The following OGG1 variants were observed in gnomAD, a reference collection of about 807,000 sequenced individuals.
The protein encoded by OGG1 is N-glycosylase/DNA lyase.
A neutral mutation model predicts 42.3 loss-of-function variants in OGG1; 35 were observed. The observed-to-expected ratio is 0.83, with a 90% confidence interval of 0.63 to 1.10. The LOEUF (loss-of-function observed/expected upper bound fraction) is 1.10, where lower values mean the gene tolerates loss of function less well. Ranked by LOEUF, OGG1 falls within the 50% of genes least tolerant of loss-of-function variation. The pLI is 0.00. For missense variants in OGG1, 484 were observed against 446.7 expected (o/e 1.08, Z -0.75); for synonymous variants, 189 against 179.0 (o/e 1.06, Z -0.44).
chr3:9,785,315 C>T (rs748346430), intron 3 of OGG1: 1 of 1,612,350 alleles, frequency 6.2e-7, no homozygotes, highest in South Asian at 1.1e-5. Flanking sequence ...ACACCACTCA[C>T]CTGAAGGGCT....
At chr3:9,771,823 T>C (rs1228937182) in intron 2 of OGG1, among the ~76,000 whole-genome samples, 1 of 142,750 alleles carries the variant, frequency 7.0e-6, no homozygotes, top group Non-Finnish European at 1.5e-5. Flanking sequence ...TTTTTTTTTT[T>C]TTTTTTTTTT....
chr3:9,757,685 C>G (rs1352531954), downstream of OGG1: 1 of 1,613,960 alleles, frequency 6.2e-7, no homozygotes, highest in Non-Finnish European at 8.5e-7. The surrounding 1 kb of genome is among the most constrained non-coding windows in gnomAD (Gnocchi z 4.5). Context: ...CCCGGGTGCA[C>G]CTTTGTGGAC....
At chr3:9,779,230 A>C (rs1559713646) in intron 2 of OGG1, among the ~76,000 whole-genome samples, 1 of 152,162 alleles carries the variant, frequency 6.6e-6, no homozygotes, top group Non-Finnish European at 1.5e-5. Flanking sequence ...TCTGACTGGC[A>C]TAAAGCCATT....
chr3:9,756,748 C>CT lies in OGG1; in HGVS notation c.899-18dup, dbSNP rs765559971. 13 of 1,614,142 alleles carry CT rather than the reference C, an allele frequency of 8.1e-6. No individual in the cohort carries two copies. The Admixed American group carries it at 2.2e-4, about 27-fold the overall frequency. Reference sequence around the variant, plus strand: ...CACAGAAGGGGTCAGATAACTTAGTCTCATCACTTCTGATTTAGGAAACTT... The same window carrying CT: ...CACAGAAGGGGTCAGATAACTTAGTCTTCATCACTTCTGATTTAGGAAACTT... On this transcript the variant is annotated intron_variant, in intron 5 of 6. Transcript: ENST00000344629.
chr3:9,780,236 T>C, intron 2 of OGG1: 1 of 1,107,720 alleles, frequency 9.0e-7, no homozygotes, highest in Non-Finnish European at 1.3e-6. Context: ...GCCACGGCCC[T>C]CTAGAGACTG....
At chr3:9,780,283 T>C in intron 2 of OGG1, 1 of 1,483,030 alleles carries the variant, frequency 6.7e-7, no homozygotes, top group East Asian at 2.3e-5. Flanking sequence ...CAATGTTTCC[T>C]GTGCCCAAAG....
chr3:9,757,396 T>C lies in OGG1; in HGVS notation c.*246T>C. On this transcript the variant is annotated 3_prime_UTR_variant, in exon 7 of 7. Transcript: ENST00000344629. The surrounding 1 kb of genome is among the most constrained non-coding windows in gnomAD (Gnocchi z 4.5). ...AGAAGGAACAATAAAATAGAAACATTTGTATGGAAAATGCAGTGAGGAGTG... is the reference window on the plus strand; with the variant it reads ...AGAAGGAACAATAAAATAGAAACATCTGTATGGAAAATGCAGTGAGGAGTG... 2 of 1,611,478 alleles carry C rather than the reference T, an allele frequency of 1.2e-6. No individual in the cohort carries two copies.
chr3:9,784,915 G>T (rs1422319419), intron 3 of OGG1, among the ~76,000 whole-genome samples: 10 of 151,512 alleles, frequency 6.6e-5, no homozygotes, highest in African/African-American at 2.2e-4. Context: ...AGTAAAAATA[G>T]TATTATACCA....
At chr3:9,787,969 G>T (rs2125624821) in exon 4 of OGG1, 1 of 339,422 alleles carries the variant, frequency 2.9e-6, no homozygotes. Flanking sequence ...ATGAGGGCGA[G>T]ATACTTGGTG....
chr3:9,760,791 T>G (rs376144816), downstream of OGG1: 105 of 1,613,536 alleles, frequency 6.5e-5, no homozygotes, highest in Non-Finnish European at 8.4e-5. Flanking sequence ...AAACTCATCC[T>G]CATTTCCACT....
At chr3:9,750,485 C>T (rs2077249449) in intron 1 of OGG1, 62 bp downstream of exon 1, 1 of 1,605,774 alleles carries the variant, frequency 6.2e-7, no homozygotes, top group Non-Finnish European at 8.5e-7. Flanking sequence ...TCAACACTGC[C>T]TGGCATGGGG....
intron 7 of OGG1, among the ~76,000 whole-genome samples, chr3:9,764,974 C>T (rs1363062618): frequency 6.6e-6 from 1 of 151,940 alleles, no homozygotes; most frequent in Non-Finnish European, 1.5e-5. Context: ...GTGGCTCATG[C>T]CTAGCACTTT....
intron 3 of OGG1, chr3:9,781,717 GA>G: frequency 2.4e-6 from 1 of 417,066 alleles, no homozygotes; most frequent in Non-Finnish European, 5.0e-6. Context: ...TCCAGAAGGG[GA>G]AGGAGATGCT....
chr3:9,760,566 A>G (rs2077808151), downstream of OGG1: 1 of 1,334,756 alleles, frequency 7.5e-7, no homozygotes, highest in South Asian at 1.2e-5. Context: ...AAAATCCGAC[A>G]GAAGGAAGGC....
intron 3 of OGG1, chr3:9,786,998 C>G (rs2125623615): frequency 6.2e-7 from 1 of 1,612,938 alleles, no homozygotes; most frequent in South Asian, 1.1e-5. Context: ...TTGGGTTAGG[C>G]TGCTCACCTC....
At chr3:9,752,529 C>CAAAAAAAAAAAAA (rs144337359) in intron 3 of OGG1, among the ~76,000 whole-genome samples, 3 of 75,024 alleles carry the variant, frequency 4.0e-5, no homozygotes. Context: ...GACTCTGTCT[C>CAAAAAAAAAAAAA]AAAAAAAAAA....
At chr3:9,766,423 G>A (rs2078154811) in exon 8 of OGG1, 3 of 467,018 alleles carry the variant, frequency 6.4e-6, no homozygotes, top group East Asian at 4.4e-5. Flanking sequence ...AGAACCATCA[G>A]CATCACCCGG....
intron 2 of OGG1, among the ~76,000 whole-genome samples, chr3:9,773,796 G>C (rs1167180363): frequency 6.6e-6 from 1 of 152,102 alleles, no homozygotes; most frequent in African/African-American, 2.4e-5. Context: ...AGGCTGGAGT[G>C]ATCATCCCAC....
At chr3:9,773,382 A>T (rs1386348854) in intron 2 of OGG1, among the ~76,000 whole-genome samples, 1 of 152,042 alleles carries the variant, frequency 6.6e-6, no homozygotes, top group East Asian at 1.9e-4. Flanking sequence ...TCTACTAAAG[A>T]TACAAAAAAT....
Sources: allele counts gnomAD v4.1 joint callset (sites outside exome capture counted in the v4.1 genomes callset), GRCh38; gene constraint gnomAD v4.1.1; non-coding constraint Gnocchi (gnomAD v3.1); transcripts MANE v1.5; gene names NCBI Gene and HGNC (gene_info 2026-07-23, HGNC 2026-07-21).